KRT222: variants seen among roughly 807,000 people sequenced by gnomAD.
The protein encoded by KRT222 is keratin-like protein KRT222.
KRT222 carries 23 observed loss-of-function variants against 35.0 expected under a neutral mutation model. That is an observed-to-expected ratio of 0.66 (90% CI 0.47 to 0.93). The LOEUF is 0.93. Among genes scored for constraint, KRT222 ranks in the 40% least tolerant of loss-of-function variants. The pLI, the probability that KRT222 is intolerant of heterozygous loss-of-function variation, is 0.00. For synonymous variants in KRT222, 108 were observed against 118.8 expected, an observed-to-expected ratio of 0.91 and a Z score of 0.59; for missense variants, 339 against 346.3, an observed-to-expected ratio of 0.98 and a Z score of 0.17.
chr17:40,661,791 A>G (rs1280410994), intron 2 of KRT222, 125 bp downstream of exon 2: 1 of 1,213,446 alleles, frequency 8.2e-7, no homozygotes, highest in Non-Finnish European at 1.1e-6. Context: ...AGGATCAGGG[A>G]TAGAATTCAG....
chr17:40,658,548 A>G (rs896199388), intron 3 of KRT222, among the ~76,000 whole-genome samples: 7 of 152,126 alleles, frequency 4.6e-5, no homozygotes, highest in Admixed American at 2.0e-4. Flanking sequence ...CAGCAATCCT[A>G]TGAGGTAGGT....
rs1351687181 is a variant in KRT222, at chr17:40,656,498, CTCTAAACACCCT to C, written c.780_791del (p.Gly261_Glu264del). 1.9e-6 allele frequency: 3 copies of C among 1,613,800 alleles called. No homozygotes were observed. The highest frequency in any genetic ancestry group is 2.5e-6 in the Non-Finnish European group (3 of 1,179,784). ...TATCTGGTAGATTATCCTGCTTAGT[CTCTAAACACCCT>C]TCATCAGTGGCTGCTAAATGAAGAT... On this transcript the variant is annotated inframe_deletion, in exon 6 of 6. Transcript: ENST00000394052.
intron 2 of KRT222, among the ~76,000 whole-genome samples, chr17:40,660,514 T>G (rs971078931): frequency 6.6e-6 from 1 of 151,902 alleles, no homozygotes; most frequent in African/African-American, 2.4e-5. Context: ...CTCCTGACCC[T>G]GTGATCCGCC....
chr17:40,665,010 C>G lies in KRT222; in HGVS notation c.90G>C (p.Arg30Ser). ...RNQIETVLST[R>S]IQLEEDISKK... Reference sequence around the variant, plus strand: ...GTCTGTATGAAATCATTACCTGGATCCTTGTTGAGAGCACCGTCTCTATCT... The same window carrying G: ...GTCTGTATGAAATCATTACCTGGATGCTTGTTGAGAGCACCGTCTCTATCT... The change falls in exon 1 of 6, where the codon AGG (arginine) becomes AGC (serine). Residue 30 changes from arginine to serine, a missense_variant. Physicochemically the swap from Arg to Ser is moderately radical, Grantham distance 110. Coordinates refer to ENST00000394052, the MANE Select transcript of KRT222 (RefSeq NM_152349.3). The G allele has an allele frequency of 6.2e-7, 1 of 1,613,946 alleles. No homozygotes were observed. The highest frequency in any genetic ancestry group is 8.5e-7 in the Non-Finnish European group (1 of 1,179,942).
intron 2 of KRT222, 67 bp downstream of exon 2, chr17:40,661,849 T>C: frequency 1.3e-6 from 2 of 1,547,310 alleles, no homozygotes; most frequent in Non-Finnish European, 1.8e-6. Context: ...ACATTCATCT[T>C]TTCCTTCTCT....
intron 4 of KRT222, 43 bp downstream of exon 4, chr17:40,657,631 G>A (rs1420586570): frequency 6.5e-7 from 1 of 1,541,818 alleles, no homozygotes; most frequent in Non-Finnish European, 8.9e-7. Flanking sequence ...CCTGTAAATA[G>A]TACATCACTT....
chr17:40,657,649 G>C (rs926101451), intron 4 of KRT222, 25 bp downstream of exon 4: 1 of 1,588,146 alleles, frequency 6.3e-7, no homozygotes, highest in Admixed American at 1.7e-5. Flanking sequence ...CTTTTCAAAT[G>C]AGTTTATTTA....
At chr17:40,657,227 ATC>A in intron 5 of KRT222, 123 bp downstream of exon 5, 27 of 740,312 alleles carry the variant, frequency 3.6e-5, no homozygotes, top group Non-Finnish European at 4.6e-5. Context: ...AAAAAAAAAA[ATC>A]ACAGTATACT....
At chr17:40,657,786 C>T in intron 3 of KRT222, 36 bp from the exon 4 acceptor site, 1 of 1,361,896 alleles carries the variant, frequency 7.3e-7, no homozygotes, top group Non-Finnish European at 1.0e-6. Context: ...AAGAGCAACA[C>T]TGTATCAGCA....
At chr17:40,662,660 T>C (rs569017587) in intron 1 of KRT222, among the ~76,000 whole-genome samples, 5 of 152,362 alleles carry the variant, frequency 3.3e-5, no homozygotes, top group African/African-American at 1.2e-4. Flanking sequence ...ATTTTGGGTA[T>C]CTGGGTAATA....
In KRT222 at chr17:40,655,036, T is replaced by TATATAC. The variant is rs1268904237; in HGVS notation, c.*1365_*1366insGTATAT. 1.4e-4 allele frequency: 20 copies of TATATAC among 146,102 alleles called. No homozygotes were observed. The highest frequency in any genetic ancestry group is 1.2e-3 in the Admixed American group (17 of 14,476). 9.1% of individuals were successfully genotyped at this position (146,102 alleles called of 1,614,324 possible). A position where few individuals can be genotyped will look rare whatever the true frequency, so the allele number is the denominator to read the frequency against. On this transcript the variant is annotated 3_prime_UTR_variant, in exon 6 of 6. Transcript: ENST00000394052. ...CATTTTTCTGGTTGAAATATATATA[T>TATATAC]ACATATATATAAATTATATATATGT...
rs1555607424 is a variant in KRT222 at position 40,656,638 on chromosome 17, G to C, written c.660-8C>G. The C allele has an allele frequency of 6.6e-6, 10 of 1,509,970 alleles. No homozygotes were observed. In the South Asian group the frequency reaches 1.1e-4, roughly 17 times the overall value. 93.5% of individuals were successfully genotyped at this position (1,509,970 alleles called of 1,614,324 possible). ...TCATCCACTTTCTCTGTCCTGAAATGATAAAATAAACCTTTTAATAATGAA... is the reference window on the plus strand; with the variant it reads ...TCATCCACTTTCTCTGTCCTGAAATCATAAAATAAACCTTTTAATAATGAA... On this transcript the variant is annotated splice_region_variant and splice_polypyrimidine_tract_variant and intron_variant, in intron 5 of 5. Coordinates refer to ENST00000394052, the MANE Select transcript of KRT222 (RefSeq NM_152349.3).
rs762394816 is a variant in KRT222 at position 40,657,484 on chromosome 17, A to T, written c.527T>A (p.Ile176Asn). The T allele has an allele frequency of 8.2e-6, 13 of 1,588,264 alleles. No individual in the cohort carries two copies. The highest frequency in any genetic ancestry group is 9.5e-6 in the Non-Finnish European group (11 of 1,162,532). The part of the protein sequence containing the change: ...SRVGFVLPSA[I>N]INEISFTTKV... ...TGTAGTAAAAGATATTTCATTTATA[A>T]TGGCTGTGAAAATATCATTTATGAT... Residue 176 changes from isoleucine (I) to asparagine (N), a missense_variant, in exon 5 of 6, where the codon ATT (isoleucine) becomes AAT (asparagine). Physicochemically the swap from Ile to Asn is moderately radical, Grantham distance 149. Transcript: ENST00000394052.
Position 40,657,462 on chromosome 17 carries a change from A to G in KRT222, c.549T>C (p.Thr183=), listed in dbSNP as rs1382828493. The G allele has an allele frequency of 2.5e-6, 4 of 1,603,686 alleles. No individual in the cohort carries two copies. Among genetic ancestry groups the G allele is most frequent in the Non-Finnish European group, 2.6e-6 (3 of 1,174,228 alleles). ...TCTCATACTTTTGTGGGACTTTTGT[A>G]GTAAAAGATATTTCATTTATAATGG... The part of the protein sequence containing the change: ...PSAIINEISF[T]TKVPQKYENE... The change falls in exon 5 of 6, where the codon ACT becomes ACC. Residue 183 remains threonine (T), a synonymous_variant. Transcript: ENST00000394052.
chr17:40,660,632 A>G (rs1329937434), intron 2 of KRT222, among the ~76,000 whole-genome samples: 1 of 152,100 alleles, frequency 6.6e-6, no homozygotes, highest in African/African-American at 2.4e-5. Context: ...TAATTTTATT[A>G]TACCTATGCA....
At chr17:40,662,232 G>T in intron 1 of KRT222, 188 bp from the exon 2 acceptor site, 1 of 561,068 alleles carries the variant, frequency 1.8e-6, no homozygotes, top group Non-Finnish European at 3.0e-6. Context: ...TGCGTTCTTA[G>T]CCCGTTTTCT....
rs1233894781 is a variant in KRT222, at chr17:40,654,744, T to A, written c.*1658A>T. On this transcript the variant is annotated 3_prime_UTR_variant, in exon 6 of 6. Coordinates refer to ENST00000394052, the MANE Select transcript of KRT222 (RefSeq NM_152349.3). Reference sequence around the variant, plus strand: ...AGTACAATAGCTTATATGATTGCATTTTTAAAGCTTTAATAAAGTTAGTAG... The same window carrying A: ...AGTACAATAGCTTATATGATTGCATATTTAAAGCTTTAATAAAGTTAGTAG... 2 of 152,050 alleles carry A rather than the reference T, an allele frequency of 1.3e-5. No homozygotes were observed. Among genetic ancestry groups the A allele is most frequent in the Admixed American group, 6.6e-5 (1 of 15,262 alleles). 9.4% of individuals were successfully genotyped at this position (152,050 alleles called of 1,614,324 possible).
At position 40,655,136 on chromosome 17, in the gene KRT222, G is replaced by A. The variant is rs1452621850; in HGVS notation, c.*1266C>T. 1.3e-5 allele frequency: 2 copies of A among 149,816 alleles called. No homozygotes were observed. The allele number at this position is 149,816 out of a possible 1,614,324, so 9.3% of individuals were successfully genotyped here. A position where few individuals can be genotyped will look rare whatever the true frequency, so the allele number is the denominator to read the frequency against. On this transcript the variant is annotated 3_prime_UTR_variant, in exon 6 of 6. Transcript: ENST00000394052. ...GAGAGAGAGAGAGAAATATTTTAAA[G>A]GCTGTACTAAAATGCTAACGTAGCT...
intron 3 of KRT222, among the ~76,000 whole-genome samples, chr17:40,659,338 T>C (rs929870684): frequency 6.6e-6 from 1 of 151,678 alleles, no homozygotes; most frequent in Non-Finnish European, 1.5e-5. Flanking sequence ...GTATTATTAT[T>C]ATTGTTTTTT....
Sources: allele counts gnomAD v4.1 joint callset (sites outside exome capture counted in the v4.1 genomes callset), GRCh38; gene constraint gnomAD v4.1.1; transcripts MANE v1.5; gene names NCBI Gene and HGNC (gene_info 2026-07-23, HGNC 2026-07-21).